Variants in SLC24A2 observed in about 807,000 individuals in gnomAD.
The protein encoded by SLC24A2 is solute carrier family 24 member 2, also known as sodium/potassium/calcium exchanger 2.
In SLC24A2, 36 loss-of-function variants were observed where a neutral mutation model predicts 62.0. The ratio of observed to expected loss-of-function variants is 0.58; its 90% confidence interval spans 0.44 to 0.77. The LOEUF (loss-of-function observed/expected upper bound fraction) is 0.77, where lower values mean the gene tolerates loss of function less well. SLC24A2 is among the 30% of genes least tolerant of loss of function. The pLI is 0.00. For synonymous variants in SLC24A2, 358 were observed against 294.0 expected (o/e 1.22, Z -2.23); for missense variants, 846 against 817.9 (o/e 1.03, Z -0.42).
chr9:20,112,598 T>C, the SLC24A2 span, among the ~76,000 whole-genome samples: 1 of 152,092 alleles, frequency 6.6e-6, no homozygotes. Context: ...CCATTCTGAG[T>C]GATCTCATAT....
the SLC24A2 span, among the ~76,000 whole-genome samples, chr9:20,245,424 T>A: frequency 2.3e-4 from 35 of 152,278 alleles, no homozygotes; most frequent in African/African-American, 8.2e-4. Flanking sequence ...AAGTCTATGA[T>A]GTTTTCTGGA....
At chr9:19,986,203 A>G in the SLC24A2 span, among the ~76,000 whole-genome samples, 1 of 152,176 alleles carries the variant, frequency 6.6e-6, no homozygotes, top group Non-Finnish European at 1.5e-5. Context: ...TTAAGGAAAT[A>G]CAAGTAAAAA....
chr9:19,895,482 A>G, the SLC24A2 span, among the ~76,000 whole-genome samples: 1 of 149,026 alleles, frequency 6.7e-6, no homozygotes, highest in East Asian at 2.0e-4. Flanking sequence ...GGATGTAAAT[A>G]TTTTCTAATA....
At chr9:19,707,639 A>G (rs926881317) in intron 2 of SLC24A2, among the ~76,000 whole-genome samples, 7 of 152,230 alleles carry the variant, frequency 4.6e-5, no homozygotes, top group Non-Finnish European at 8.8e-5. Flanking sequence ...TATAAACAGA[A>G]CCAAAGACAA....
At chr9:19,783,405 G>C (rs748968303) in intron 2 of SLC24A2, among the ~76,000 whole-genome samples, 7 of 152,176 alleles carry the variant, frequency 4.6e-5, no homozygotes, top group Non-Finnish European at 7.4e-5. Context: ...AGACTCCACT[G>C]AAGGCCGCAT....
the SLC24A2 span, among the ~76,000 whole-genome samples, chr9:19,981,841 T>C: frequency 1.3e-5 from 2 of 152,132 alleles, no homozygotes; most frequent in Non-Finnish European, 2.9e-5. Context: ...TGTCTATTAA[T>C]ATACATTTGC....
At chr9:20,170,505 T>C in the SLC24A2 span, among the ~76,000 whole-genome samples, 22 of 151,864 alleles carry the variant, frequency 1.4e-4, no homozygotes, top group African/African-American at 4.8e-4. Flanking sequence ...AAGGGGGACA[T>C]GGGGTACAGT....
chr9:19,543,729 G>T (rs565642250), intron 8 of SLC24A2, among the ~76,000 whole-genome samples: 66 of 152,252 alleles, frequency 4.3e-4, no homozygotes, highest in Admixed American at 1.4e-3. Flanking sequence ...TTTCCATGTA[G>T]TTGTGCAGTT....
chr9:19,538,665 C>CT (rs1834093686), intron 8 of SLC24A2, among the ~76,000 whole-genome samples: 1 of 127,476 alleles, frequency 7.8e-6, no homozygotes, highest in Non-Finnish European at 1.6e-5. Context: ...GTAAAATTCT[C>CT]TTTTTTGGTT....
intron 2 of SLC24A2, among the ~76,000 whole-genome samples, chr9:19,748,690 GT>G (rs1821902972): frequency 3.3e-5 from 5 of 151,934 alleles, no homozygotes; most frequent in Non-Finnish European, 5.9e-5. Flanking sequence ...TTGTTTGTTT[GT>G]TTGTTTGTTG....
At chr9:20,084,950 TGTA>T in the SLC24A2 span, among the ~76,000 whole-genome samples, 5 of 152,196 alleles carry the variant, frequency 3.3e-5, no homozygotes, top group Admixed American at 3.3e-4. Flanking sequence ...TTATTACATC[TGTA>T]GTTTTTCTGC....
the SLC24A2 span, among the ~76,000 whole-genome samples, chr9:19,846,358 C>CT: frequency 2.8e-4 from 42 of 151,860 alleles, no homozygotes; most frequent in Middle Eastern, 3.2e-3. Flanking sequence ...TTTCTTTGTC[C>CT]TTTTTTACTA....
the SLC24A2 span, among the ~76,000 whole-genome samples, chr9:20,279,362 C>T: frequency 6.2e-4 from 95 of 152,216 alleles, no homozygotes; most frequent in Non-Finnish European, 7.5e-4. Context: ...GAAACCCCAT[C>T]TCTACTAAAA....
the SLC24A2 span, among the ~76,000 whole-genome samples, chr9:20,177,402 G>C: frequency 6.6e-6 from 1 of 152,022 alleles, no homozygotes; most frequent in South Asian, 2.1e-4. Context: ...CTCACCAGCA[G>C]TTACTTTGTC....
In SLC24A2 at chr9:19,707,409, G is replaced by A. The variant is rs1414127149; in HGVS notation, c.930+78528C>T. ...GAATCCTCCCTAACTCATTTTATTA[G>A]GCCAGCATCATCCTGATACCAAAGC... On this transcript the variant is annotated intron_variant, in intron 2 of 10. Coordinates refer to ENST00000341998, the MANE Select transcript of SLC24A2 (RefSeq NM_020344.4). Among the ~76,000 whole-genome samples the A allele has an allele frequency of 2.0e-5, 3 of 152,288 alleles. No individual in the cohort carries two copies. In the East Asian group the frequency reaches 5.8e-4, roughly 29 times the overall value.
At chr9:19,878,315 C>G in the SLC24A2 span, among the ~76,000 whole-genome samples, 1 of 152,210 alleles carries the variant, frequency 6.6e-6, no homozygotes, top group Admixed American at 6.5e-5. Context: ...ATGCAGGTTT[C>G]CTAGTAGGAG....
chr9:19,615,235 T>C (rs1817734045), intron 4 of SLC24A2, among the ~76,000 whole-genome samples: 1 of 152,162 alleles, frequency 6.6e-6, no homozygotes, highest in African/African-American at 2.4e-5. Context: ...TTTGAATAGT[T>C]CCCTTTTGAA....
At chr9:19,685,798 A>G (rs1819863713) in intron 2 of SLC24A2, among the ~76,000 whole-genome samples, 1 of 152,108 alleles carries the variant, frequency 6.6e-6, no homozygotes, top group Non-Finnish European at 1.5e-5. Flanking sequence ...CAAATGTAAA[A>G]CCAAAAACTA....
chr9:19,819,049 T>A, the SLC24A2 span, among the ~76,000 whole-genome samples: 1 of 116,618 alleles, frequency 8.6e-6, no homozygotes, highest in Non-Finnish European at 2.0e-5. Context: ...ACCCAGATAC[T>A]TACAGCCAAC....
Sources: gnomAD v4.1 joint callset for allele counts (sites outside exome capture counted in the v4.1 genomes callset) on GRCh38, gnomAD v4.1.1 for gene constraint, MANE v1.5 for transcripts, NCBI Gene and HGNC (gene_info 2026-07-23, HGNC 2026-07-21) for gene names.